The following DDAH1 variants were observed in gnomAD, a reference collection of about 807,000 sequenced individuals.
DDAH1 encodes the protein dimethylarginine dimethylaminohydrolase 1.
DDAH1 carries 19 observed loss-of-function variants against 28.8 expected under a neutral mutation model. That is an observed-to-expected ratio of 0.66 (90% confidence interval 0.46 to 0.97). The LOEUF (loss-of-function observed/expected upper bound fraction) is 0.97, where lower values mean the gene tolerates loss of function less well. DDAH1 is among the 50% of genes least tolerant of loss of function. The pLI is 0.00. For missense variants in DDAH1, 326 were observed against 375.9 expected (o/e 0.87, Z 1.10); for synonymous variants, 153 against 154.4 (o/e 0.99, Z 0.07).
intron 1 of DDAH1, among the ~76,000 whole-genome samples, chr1:85,504,404 C>T (rs1331076979): frequency 6.6e-6 from 1 of 152,116 alleles, no homozygotes; most frequent in Non-Finnish European, 1.5e-5. Context: ...AGGCTCTCAA[C>T]AATAGTCTTT....
intron 1 of DDAH1, among the ~76,000 whole-genome samples, chr1:85,525,567 T>TCACAGACA (rs1657838526): frequency 1.3e-5 from 2 of 148,984 alleles, no homozygotes; most frequent in Admixed American, 6.7e-5. Flanking sequence ...AGAATGATAT[T>TCACAGACA]CACACACACA....
intron 4 of DDAH1, among the ~76,000 whole-genome samples, chr1:85,336,900 A>G (rs919537166): frequency 2.6e-5 from 4 of 152,198 alleles, no homozygotes; most frequent in African/African-American, 9.6e-5. Context: ...AACAAAAAAA[A>G]CTACAGGTCA....
At chr1:85,370,407 G>A (rs994640648) in intron 1 of DDAH1, among the ~76,000 whole-genome samples, 5 of 152,368 alleles carry the variant, frequency 3.3e-5, no homozygotes, top group Admixed American at 3.3e-4. Flanking sequence ...GGGGTTGCCA[G>A]ATGGGGTTAG....
chr1:85,465,156 A>C lies in DDAH1; in HGVS notation c.-111T>G. On this transcript the variant is annotated 5_prime_UTR_variant, in exon 1 of 6. Coordinates refer to ENST00000284031, the MANE Select transcript of DDAH1 (RefSeq NM_012137.4). ...GTCGGCTCCTCTTGGCAGCCGCTGAATGTGGTGCAGAAGGAGCCCAGCTCG... is the reference window on the plus strand; with the variant it reads ...GTCGGCTCCTCTTGGCAGCCGCTGACTGTGGTGCAGAAGGAGCCCAGCTCG... 3.5e-6 allele frequency: 4 copies of C among 1,151,610 alleles called. No individual in the cohort carries two copies. Among genetic ancestry groups the C allele is most frequent in the Non-Finnish European group, 3.2e-6 (3 of 937,526 alleles). 71.3% of individuals were successfully genotyped at this position (1,151,610 alleles called of 1,614,324 possible).
intron 1 of DDAH1, among the ~76,000 whole-genome samples, chr1:85,507,529 A>AAT (rs1307951627): frequency 1.3e-5 from 2 of 151,904 alleles, no homozygotes; most frequent in Non-Finnish European, 2.9e-5. Flanking sequence ...TAAATAAATA[A>AAT]ACAAACAAAC....
At chr1:85,439,582 C>T (rs1654098478) in intron 1 of DDAH1, among the ~76,000 whole-genome samples, 1 of 152,192 alleles carries the variant, frequency 6.6e-6, no homozygotes, top group Non-Finnish European at 1.5e-5. Context: ...TATCTGTTTT[C>T]TTAAACTATC....
Position 85,320,747 on chromosome 1 carries a change from T to G in DDAH1, c.*705A>C, listed in dbSNP as rs1384862783. ...CAAACCCTGTCAGGATGTGCCTCTG[T>G]GTAGTTAACACTGCCCCAGACAGCA... On this transcript the variant is annotated 3_prime_UTR_variant, in exon 6 of 6. Coordinates refer to ENST00000284031, the MANE Select transcript of DDAH1 (RefSeq NM_012137.4). The G allele has an allele frequency of 6.6e-6, 1 of 152,182 alleles. No individual in the cohort carries two copies. Among genetic ancestry groups the G allele is most frequent in the African/African-American group, 2.4e-5 (1 of 41,430 alleles). The allele number at this position is 152,182 out of a possible 1,614,324, so 9.4% of individuals were successfully genotyped here.
rs145810103 is a variant in DDAH1 at position 85,359,566 on chromosome 1, G to A, written c.304-719C>T. Among the ~76,000 whole-genome samples the A allele has an allele frequency of 6.6e-5, 10 of 152,260 alleles. No homozygotes were observed. In the East Asian group the frequency reaches 1.2e-3, roughly 18 times the overall value. On this transcript the variant is annotated intron_variant, in intron 1 of 5. Transcript: ENST00000284031. ...TACATGGAAGGAATATCAATAACTC[G>A]TAATTTGAAATCTCAACCCATAGGA... is the stretch of plus-strand genomic sequence containing the variant.
chr1:85,562,665 A>G (rs1358836360), intron 1 of DDAH1, among the ~76,000 whole-genome samples: 2 of 152,218 alleles, frequency 1.3e-5, no homozygotes, highest in African/African-American at 4.8e-5. Context: ...CGACGCATAC[A>G]CAAACCAAGG....
chr1:85,417,994 A>G (rs1652961280), intron 1 of DDAH1, among the ~76,000 whole-genome samples: 1 of 152,246 alleles, frequency 6.6e-6, no homozygotes, highest in Non-Finnish European at 1.5e-5. Flanking sequence ...GAAAGTCTGT[A>G]GGAAATGGTG....
At position 85,564,186 on chromosome 1, in the gene DDAH1, C is replaced by T. The variant is rs145661994; in HGVS notation, c.-123+13798G>A. Reference sequence around the variant, plus strand: ...ACTCCATCTCAAAAACAAAACAAAACAAAACAAAACAAAACTACAATGTCT... The same window carrying T: ...ACTCCATCTCAAAAACAAAACAAAATAAAACAAAACAAAACTACAATGTCT... On this transcript the variant is annotated intron_variant, in intron 1 of 6. Coordinates refer to the DDAH1 transcript ENST00000426972. 2.3e-4 allele frequency among the ~76,000 whole-genome samples: 35 copies of T among 151,794 alleles called. 1 individual carries two copies. The East Asian group carries it at 6.8e-3, about 29-fold the overall frequency.
chr1:85,466,933 G>T (rs191855149), upstream of DDAH1, among the ~76,000 whole-genome samples: 204 of 130,736 alleles, frequency 1.6e-3, 2 homozygotes, highest in Middle Eastern at 5.2e-3. Context: ...TGCAACCGGG[G>T]TTCAAGTGAT....
chr1:85,330,677 TG>T (rs1258709062), intron 4 of DDAH1, among the ~76,000 whole-genome samples: 1 of 152,254 alleles, frequency 6.6e-6, no homozygotes, highest in Non-Finnish European at 1.5e-5. Flanking sequence ...GTCAAGTTGC[TG>T]TTCCGAATGC....
At chr1:85,399,446 AGC>A (rs1413736315) in intron 1 of DDAH1, 1 of 152,266 alleles carries the variant, frequency 6.6e-6, no homozygotes, top group Non-Finnish European at 1.5e-5. Flanking sequence ...CCCAGGTGAA[AGC>A]ATGACTGAAA....
chr1:85,475,894 C>G (rs1246874483), intron 2 of DDAH1, among the ~76,000 whole-genome samples: 2 of 152,176 alleles, frequency 1.3e-5, no homozygotes, highest in Non-Finnish European at 2.9e-5. Context: ...CTCTGTAACC[C>G]AGGCTGGAGT....
At chr1:85,329,991 C>T (rs1647663946) in intron 4 of DDAH1, among the ~76,000 whole-genome samples, 1 of 152,182 alleles carries the variant, frequency 6.6e-6, no homozygotes, top group African/African-American at 2.4e-5. Flanking sequence ...TCTTTCGAGG[C>T]AAAGAACAGA....
intron 2 of DDAH1, among the ~76,000 whole-genome samples, chr1:85,489,994 TATG>T (rs1300752037): frequency 4.6e-5 from 7 of 152,336 alleles, no homozygotes; most frequent in African/African-American, 1.7e-4. Context: ...CTTTCCCAAA[TATG>T]ATCTCATTTG....
intron 1 of DDAH1, among the ~76,000 whole-genome samples, chr1:85,400,728 A>T (rs6576764): frequency 0.65 from 98,388 of 151,842 alleles, 31,953 homozygotes; most frequent in East Asian, 0.71. Flanking sequence ...AGGCCCTCAT[A>T]GACTAAAATA....
At chr1:85,547,671 A>G (rs943764479) in intron 1 of DDAH1, among the ~76,000 whole-genome samples, 1 of 152,220 alleles carries the variant, frequency 6.6e-6, no homozygotes, top group Non-Finnish European at 1.5e-5. Context: ...AAAGATGTCT[A>G]CTCAAATACT....
Sources: gnomAD v4.1 joint callset for allele counts (sites outside exome capture counted in the v4.1 genomes callset) on GRCh38, gnomAD v4.1.1 for gene constraint, MANE v1.5 for transcripts, NCBI Gene and HGNC (gene_info 2026-07-23, HGNC 2026-07-21) for gene names.